Variants in ST6GALNAC3 observed in about 807,000 individuals in gnomAD.
ST6GALNAC3 encodes the protein ST6 N-acetylgalactosaminide alpha-2,6-sialyltransferase 3.
A neutral mutation model predicts 32.7 loss-of-function variants in ST6GALNAC3; 25 were observed. That is an observed-to-expected ratio of 0.76 (90% CI 0.56 to 1.07). The LOEUF is 1.07. Among genes scored for constraint, ST6GALNAC3 ranks in the 50% least tolerant of loss-of-function variants. ST6GALNAC3 has a pLI of 0.00. For missense variants in ST6GALNAC3, 355 were observed against 382.4 expected, an observed-to-expected ratio of 0.93 and a Z score of 0.60; for synonymous variants, 129 against 133.1, an observed-to-expected ratio of 0.97 and a Z score of 0.21.
chr1:76,335,262 A>G (rs1202294229), intron 2 of ST6GALNAC3, among the ~76,000 whole-genome samples: 1 of 152,152 alleles, frequency 6.6e-6, no homozygotes, highest in Non-Finnish European at 1.5e-5. Context: ...TTGTATGATT[A>G]TTGTGTACTT....
intron 1 of ST6GALNAC3, among the ~76,000 whole-genome samples, chr1:76,257,210 A>G (rs1657971375): frequency 6.6e-6 from 1 of 152,196 alleles, no homozygotes; most frequent in Non-Finnish European, 1.5e-5. Flanking sequence ...TAATACCTAT[A>G]CAACATGAAG....
intron 1 of ST6GALNAC3, among the ~76,000 whole-genome samples, chr1:76,248,398 A>G (rs1238662804): frequency 6.6e-6 from 1 of 152,196 alleles, no homozygotes; most frequent in Non-Finnish European, 1.5e-5. Flanking sequence ...TACAAGAGGT[A>G]ACTTCTCTCT....
At chr1:76,302,639 T>TA (rs1413870239) in intron 1 of ST6GALNAC3, among the ~76,000 whole-genome samples, 1 of 152,072 alleles carries the variant, frequency 6.6e-6, no homozygotes, top group Non-Finnish European at 1.5e-5. Context: ...GGCAGTGCTC[T>TA]AAGGGCTTTT....
intron 3 of ST6GALNAC3, among the ~76,000 whole-genome samples, chr1:76,589,863 C>T (rs1439320468): frequency 1.3e-5 from 2 of 151,884 alleles, no homozygotes; most frequent in African/African-American, 4.8e-5. Context: ...TAGTTTTTGT[C>T]CATACCAAAC....
At chr1:76,551,713 T>TA (rs1190105472) in intron 3 of ST6GALNAC3, among the ~76,000 whole-genome samples, 1 of 152,376 alleles carries the variant, frequency 6.6e-6, no homozygotes, top group East Asian at 1.9e-4. Context: ...TTTTGAAATT[T>TA]ACGATACATT....
intron 1 of ST6GALNAC3, among the ~76,000 whole-genome samples, chr1:76,284,643 C>A (rs1459405476): frequency 6.6e-6 from 1 of 151,584 alleles, no homozygotes; most frequent in Non-Finnish European, 1.5e-5. Flanking sequence ...TTGCAAGAGA[C>A]TTTTTAATTA....
intron 1 of ST6GALNAC3, among the ~76,000 whole-genome samples, chr1:76,293,210 C>T (rs2100823489): frequency 6.6e-6 from 1 of 152,246 alleles, no homozygotes; most frequent in South Asian, 2.1e-4. Flanking sequence ...TACTGCTTAA[C>T]CAATCTTTCT....
chr1:76,329,584 A>C (rs938683508), intron 2 of ST6GALNAC3, among the ~76,000 whole-genome samples: 2 of 152,080 alleles, frequency 1.3e-5, no homozygotes, highest in Non-Finnish European at 2.9e-5. Flanking sequence ...ATCCCATCCA[A>C]AGGCCATTTC....
At chr1:76,151,675 T>G (rs1455603142) in intron 1 of ST6GALNAC3, among the ~76,000 whole-genome samples, 5 of 151,354 alleles carry the variant, frequency 3.3e-5, no homozygotes, top group African/African-American at 9.7e-5. Flanking sequence ...AGAGGGGAGG[T>G]TCTGCTGGCC....
Position 76,430,228 on chromosome 1 carries a change from A to G in ST6GALNAC3, c.623+17811A>G, listed in dbSNP as rs139639957. 1.3e-3 allele frequency among the ~76,000 whole-genome samples: 198 copies of G among 152,186 alleles called. 4 individuals are homozygous for G. The East Asian group carries it at 0.025, about 19-fold the overall frequency. ...TCTCCATCTATTCTCACTGCTTTCC[A>G]TCTTTTGCCCTTCAATCTGCATTTT... On this transcript the variant is annotated intron_variant, in intron 3 of 4. Coordinates refer to ENST00000328299, the MANE Select transcript of ST6GALNAC3 (RefSeq NM_152996.4).
chr1:76,442,945 G>T (rs2101516636), intron 3 of ST6GALNAC3, among the ~76,000 whole-genome samples: 1 of 152,296 alleles, frequency 6.6e-6, no homozygotes, highest in East Asian at 1.9e-4. Context: ...CTCCTACTGT[G>T]TTTAAAATCT....
intron 2 of ST6GALNAC3, among the ~76,000 whole-genome samples, chr1:76,395,411 G>T (rs973984423): frequency 5.3e-5 from 8 of 152,102 alleles, no homozygotes; most frequent in African/African-American, 1.9e-4. Context: ...ACATAGAACT[G>T]CCATATGATC....
At chr1:76,126,024 T>C (rs1649216678) in intron 1 of ST6GALNAC3, among the ~76,000 whole-genome samples, 1 of 152,204 alleles carries the variant, frequency 6.6e-6, no homozygotes, top group South Asian at 2.1e-4. Flanking sequence ...TGGGATTCTG[T>C]CTGGAAATCT....
At chr1:76,616,970 G>A (rs764850856) in intron 3 of ST6GALNAC3, among the ~76,000 whole-genome samples, 1 of 152,098 alleles carries the variant, frequency 6.6e-6, no homozygotes, top group East Asian at 1.9e-4. Flanking sequence ...GTGGCTCATT[G>A]CTTAGGCTCT....
At chr1:76,419,086 G>T (rs1277106053) in intron 3 of ST6GALNAC3, among the ~76,000 whole-genome samples, 1 of 151,798 alleles carries the variant, frequency 6.6e-6, no homozygotes, top group East Asian at 1.9e-4. Flanking sequence ...AATGCACTGG[G>T]TGAAACTCTG....
chr1:76,488,333 C>A (rs1301827455), intron 3 of ST6GALNAC3, among the ~76,000 whole-genome samples: 8 of 51,962 alleles, frequency 1.5e-4, no homozygotes, highest in Non-Finnish European at 3.3e-4. Context: ...ACCCCTTCAC[C>A]TTCTGTGTTG....
At chr1:76,143,276 G>T (rs1003655227) in intron 1 of ST6GALNAC3, among the ~76,000 whole-genome samples, 1 of 152,074 alleles carries the variant, frequency 6.6e-6, no homozygotes, top group Non-Finnish European at 1.5e-5. Flanking sequence ...TGCCTATAGA[G>T]CATGCCATTC....
intron 3 of ST6GALNAC3, among the ~76,000 whole-genome samples, chr1:76,431,279 A>C (rs915675170): frequency 6.6e-6 from 1 of 152,152 alleles, no homozygotes; most frequent in Non-Finnish European, 1.5e-5. Context: ...AAGCTTGGGA[A>C]GCCAGCTCAC....
chr1:76,276,894 A>T (rs6702605), intron 1 of ST6GALNAC3, among the ~76,000 whole-genome samples: 2 of 151,978 alleles, frequency 1.3e-5, no homozygotes, highest in Non-Finnish European at 2.9e-5. Flanking sequence ...TCAATTTACC[A>T]TTTTGGCAAA....
Sources: gnomAD v4.1 joint callset for allele counts (sites outside exome capture counted in the v4.1 genomes callset) on GRCh38, gnomAD v4.1.1 for gene constraint, MANE v1.5 for transcripts, NCBI Gene and HGNC (gene_info 2026-07-23, HGNC 2026-07-21) for gene names.